APLF: variants seen among roughly 807,000 people sequenced by gnomAD.
APLF encodes aprataxin and PNKP like factor.
Under a neutral mutation model 55.6 loss-of-function variants are expected in APLF, and 61 were observed. The ratio of observed to expected loss-of-function variants is 1.10; its 90% CI spans 0.89 to 1.36. The LOEUF (loss-of-function observed/expected upper bound fraction) is 1.36, where lower values mean the gene tolerates loss of function less well. Ranked by LOEUF, APLF falls within the 40% of genes most tolerant of loss-of-function variation. The pLI is 0.00. For synonymous variants in APLF, 207 were observed against 214.8 expected, an observed-to-expected ratio of 0.96 and a Z score of 0.32; for missense variants, 611 against 602.5, an observed-to-expected ratio of 1.01 and a Z score of -0.15.
chr2:68,575,955 G>A (rs1671609131), intron 9 of APLF, among the ~76,000 whole-genome samples: 1 of 152,146 alleles, frequency 6.6e-6, no homozygotes, highest in African/African-American at 2.4e-5. Context: ...TCTAAGGAGT[G>A]AGTTAGAGAA....
chr2:68,517,687 A>G (rs1363199993), intron 5 of APLF, among the ~76,000 whole-genome samples: 1 of 145,324 alleles, frequency 6.9e-6, no homozygotes, highest in Non-Finnish European at 1.5e-5. Flanking sequence ...CTAATATGTT[A>G]TTAACATGTA....
chr2:68,535,759 T>A (rs2104000409), intron 6 of APLF, among the ~76,000 whole-genome samples: 1 of 152,172 alleles, frequency 6.6e-6, no homozygotes, highest in Non-Finnish European at 1.5e-5. Context: ...CCTTTATGGT[T>A]TATTGAAAGG....
At chr2:68,574,569 C>A (rs1671570572) in intron 9 of APLF, among the ~76,000 whole-genome samples, 3 of 152,196 alleles carry the variant, frequency 2.0e-5, no homozygotes, top group South Asian at 4.1e-4. Flanking sequence ...GGCTACTAGC[C>A]ACGTTGAATT....
At chr2:68,572,679 T>TA (rs11429194) in intron 9 of APLF, among the ~76,000 whole-genome samples, 11,441 of 151,698 alleles carry the variant, frequency 0.075, 1,252 homozygotes, top group African/African-American at 0.24. Flanking sequence ...CTACAAAAAA[T>TA]AAAAAAAATT....
chr2:68,559,511 C>G (rs1368895424), intron 8 of APLF, among the ~76,000 whole-genome samples: 1 of 152,150 alleles, frequency 6.6e-6, no homozygotes, highest in Non-Finnish European at 1.5e-5. Context: ...GAAAACAACT[C>G]TTTCCCAAGT....
intron 5 of APLF, chr2:68,515,624 C>G (rs562541897): frequency 1.0e-6 from 1 of 985,002 alleles, no homozygotes; most frequent in South Asian, 4.7e-5. Context: ...TTGGGCACTT[C>G]TCTTTGAAAA....
chr2:68,502,703 T>A, intron 2 of APLF, 28 bp from the exon 3 acceptor site: 2 of 1,278,044 alleles, frequency 1.6e-6, no homozygotes, highest in Non-Finnish European at 2.1e-6. Context: ...TTTTTTAAAT[T>A]TAATTATATT....
intron 8 of APLF, among the ~76,000 whole-genome samples, chr2:68,546,662 A>G (rs1002449613): frequency 3.9e-5 from 6 of 152,002 alleles, no homozygotes; most frequent in South Asian, 4.1e-4. Context: ...AGCCATCTCC[A>G]TAGATGATTG....
chr2:68,502,816 C>T lies in APLF; in HGVS notation c.254C>T (p.Pro85Leu), dbSNP rs1428620697. ...LKPNLWCYLN[P>L]GDSFSLLVDK... ...CCAAATCTATGGTGCTATTTGAATC[C>T]TGGAGACAGCTTTTCTTTGTTAGTT... Residue 85 changes from proline to leucine, a missense_variant, in exon 3 of 10, where the codon CCT (proline) becomes CTT (leucine). By Grantham distance (98) the Pro-to-Leu change is moderately conservative (BLOSUM62 -3). Transcript: ENST00000303795. The T allele has an allele frequency of 1.2e-6, 2 of 1,608,044 alleles. No homozygotes were observed. Among genetic ancestry groups the T allele is most frequent in the Middle Eastern group, 1.7e-4 (1 of 6,046 alleles).
intron 8 of APLF, among the ~76,000 whole-genome samples, chr2:68,547,443 T>C (rs1274489500): frequency 6.6e-6 from 1 of 151,734 alleles, no homozygotes; most frequent in Non-Finnish European, 1.5e-5. Context: ...TAATGAAGAA[T>C]AGGTGGCAGG....
chr2:68,490,253 A>C lies in APLF; in HGVS notation c.160A>C (p.Ile54Leu), dbSNP rs770512397. The C allele has an allele frequency of 2.7e-5, 44 of 1,611,978 alleles. No homozygotes were observed. In the East Asian group the frequency reaches 9.8e-4, roughly 36 times the overall value. ...ILEVAGGQLR[I>L]KPIHTNPCFY... Reference sequence around the variant, plus strand: ...TGAGGTGGCAGGTGGTCAGCTGCGAATCAAACCGGTAAATATGTTATTAAT... The same window carrying C: ...TGAGGTGGCAGGTGGTCAGCTGCGACTCAAACCGGTAAATATGTTATTAAT... Residue 54 changes from isoleucine to leucine, a missense_variant, in exon 2 of 10, where the codon ATC becomes CTC. Coordinates refer to ENST00000303795, the MANE Select transcript of APLF (RefSeq NM_173545.3).
At chr2:68,499,814 G>A (rs1432889670) in intron 2 of APLF, among the ~76,000 whole-genome samples, 4 of 151,888 alleles carry the variant, frequency 2.6e-5, no homozygotes, top group Non-Finnish European at 5.9e-5. Flanking sequence ...CTCCAGCCTG[G>A]GTAACAGAGC....
chr2:68,520,759 GT>G (rs1669875051), intron 5 of APLF, among the ~76,000 whole-genome samples: 1 of 151,940 alleles, frequency 6.6e-6, no homozygotes, highest in African/African-American at 2.4e-5. Context: ...CTCCGGATTT[GT>G]TTCTTTTGCT....
intron 2 of APLF, among the ~76,000 whole-genome samples, chr2:68,502,081 G>A (rs959809746): frequency 7.9e-5 from 12 of 152,070 alleles, no homozygotes; most frequent in Admixed American, 2.6e-4. Flanking sequence ...ACCCACTCGC[G>A]AGATAACAAA....
intron 6 of APLF, among the ~76,000 whole-genome samples, chr2:68,532,994 A>G (rs748805545): frequency 6.6e-6 from 1 of 152,152 alleles, no homozygotes; most frequent in Non-Finnish European, 1.5e-5. Flanking sequence ...GGGAGGCTGA[A>G]GCAGGAGGAC....
At chr2:68,494,277 C>CAAAAAAAAAAAAAAAAAA (rs59466460) in intron 2 of APLF, among the ~76,000 whole-genome samples, 1 of 49,544 alleles carries the variant, frequency 2.0e-5, no homozygotes, top group Non-Finnish European at 4.1e-5. Context: ...GACCCCGTCT[C>CAAAAAAAAAAAAAAAAAA]AAAAAAAAAA....
At chr2:68,564,369 A>G (rs1421586983) in intron 8 of APLF, among the ~76,000 whole-genome samples, 30 of 152,142 alleles carry the variant, frequency 2.0e-4, no homozygotes, top group Admixed American at 1.1e-3. Context: ...AAGCTGTTGA[A>G]TTAGGACCTT....
Position 68,502,711 on chromosome 2 carries a change from A to G in APLF, c.169-20A>G. ...TATATTCTTTTTTAAATTTAATTATATTCTTTTTTAATTTGTTAGATACAC... is the reference window on the plus strand; with the variant it reads ...TATATTCTTTTTTAAATTTAATTATGTTCTTTTTTAATTTGTTAGATACAC... On this transcript the variant is annotated intron_variant, in intron 2 of 9. Transcript: ENST00000303795. 2 of 1,336,322 alleles carry G rather than the reference A, an allele frequency of 1.5e-6. No individual in the cohort carries two copies. The highest frequency in any genetic ancestry group is 2.0e-6 in the Non-Finnish European group (2 of 1,015,004). 82.8% of individuals were successfully genotyped at this position (1,336,322 alleles called of 1,614,324 possible).
chr2:68,516,972 TATA>T (rs1484213001), intron 5 of APLF, among the ~76,000 whole-genome samples: 2 of 125,348 alleles, frequency 1.6e-5, no homozygotes, highest in Admixed American at 9.7e-5. Flanking sequence ...AATAATATAA[TATA>T]ATATAATTAT....
Sources: allele counts gnomAD v4.1 joint callset (sites outside exome capture counted in the v4.1 genomes callset), GRCh38; gene constraint gnomAD v4.1.1; transcripts MANE v1.5; gene names NCBI Gene and HGNC (gene_info 2026-07-23, HGNC 2026-07-21).